WDR72: variants seen among roughly 807,000 people sequenced by gnomAD.
WDR72 encodes the protein WD repeat domain 72, also known as WD repeat-containing protein 72.
A neutral mutation model predicts 124.2 loss-of-function variants in WDR72; 120 were observed. The ratio of observed to expected loss-of-function variants is 0.97; its 90% CI spans 0.83 to 1.12. The LOEUF is 1.12. Ranked by LOEUF, WDR72 falls within the 50% of genes most tolerant of loss-of-function variation. WDR72 has a pLI of 0.00. For synonymous variants in WDR72, 452 were observed against 441.7 expected (o/e 1.02, Z -0.29); for missense variants, 1,387 against 1,278.8 (o/e 1.08, Z -1.29).
At chr15:53,724,527 TATC>T (rs2017965560) in intron 2 of WDR72, among the ~76,000 whole-genome samples, 1 of 152,108 alleles carries the variant, frequency 6.6e-6, no homozygotes, top group Admixed American at 6.5e-5. Flanking sequence ...AAGCACATCT[TATC>T]ATGGCAGAGC....
chr15:53,751,071 G>C (rs537940396), intron 1 of WDR72, among the ~76,000 whole-genome samples: 1 of 152,110 alleles, frequency 6.6e-6, no homozygotes, highest in Non-Finnish European at 1.5e-5. Context: ...GTTCTGCTGT[G>C]GGTAAAAGGC....
intron 17 of WDR72, among the ~76,000 whole-genome samples, chr15:53,604,117 T>G (rs899355056): frequency 1.3e-5 from 2 of 152,126 alleles, no homozygotes; most frequent in African/African-American, 4.8e-5. Context: ...AGCAAGGTAC[T>G]GGTACAAGAA....
intron 1 of WDR72, among the ~76,000 whole-genome samples, chr15:53,748,535 G>T (rs1567062663): frequency 1.3e-5 from 2 of 152,072 alleles, no homozygotes; most frequent in Admixed American, 1.3e-4. Flanking sequence ...ATTGGGAAAC[G>T]TAGCTTTAAT....
intron 1 of WDR72, among the ~76,000 whole-genome samples, chr15:53,757,662 AAG>A (rs2018946262): frequency 1.3e-5 from 2 of 151,770 alleles, no homozygotes; most frequent in South Asian, 4.1e-4. Context: ...AATTAAAAAA[AAG>A]AATTATTCAT....
rs1290587428 is a variant in WDR72, at chr15:53,596,506, A to G, written c.3148+573T>C. On this transcript the variant is annotated intron_variant, in intron 18 of 19. Transcript: ENST00000360509. The stretch of plus-strand genomic sequence containing the variant: ...TTTTTATATGATACTTCTGTTGCCC[A>G]GAAAAGGAAAACTGGTACATGACTT... Among the ~76,000 whole-genome samples the G allele has an allele frequency of 2.6e-5, 4 of 152,180 alleles. No homozygotes were observed. In the East Asian group the frequency reaches 7.7e-4, roughly 29 times the overall value.
intron 1 of WDR72, among the ~76,000 whole-genome samples, chr15:53,752,645 T>C (rs1025905026): frequency 6.6e-6 from 1 of 152,336 alleles, no homozygotes; most frequent in African/African-American, 2.4e-5. Context: ...TTCTGTTGTG[T>C]AAGTCACCCA....
intron 13 of WDR72, among the ~76,000 whole-genome samples, chr15:53,678,445 C>A (rs1329252464): frequency 1.3e-5 from 2 of 152,150 alleles, no homozygotes; most frequent in Non-Finnish European, 2.9e-5. Context: ...GCTCTTAACT[C>A]TATAGAACCA....
rs147902451 is a variant in WDR72, at chr15:53,714,181, CTGTG to C, written c.591+249_591+252del. ...TTAAAAGATTAAAAATGTAATCTTT[CTGTG>C]TGTGTGTGTGTGTGTGTGTAAATGA... is the stretch of plus-strand genomic sequence containing the variant. On this transcript the variant is annotated intron_variant, in intron 6 of 19. Coordinates refer to ENST00000360509, the MANE Select transcript of WDR72 (RefSeq NM_182758.4). 0.37 allele frequency among the ~76,000 whole-genome samples: 56,222 copies of C among 150,336 alleles called. 11,749 individuals are homozygous for C. Among genetic ancestry groups the C allele is most frequent in the Middle Eastern group, 0.6 (175 of 292 alleles).
chr15:53,516,374 A>T lies in WDR72; in HGVS notation c.*1325T>A, dbSNP rs758752529. On this transcript the variant is annotated 3_prime_UTR_variant, in exon 20 of 20. Coordinates refer to ENST00000360509, the MANE Select transcript of WDR72 (RefSeq NM_182758.4). ...TTTCAATTACACAGTTCTCTTTTCT[A>T]ATTTCCCCATCTCCTGTCTACTGCA... is the stretch of plus-strand genomic sequence containing the variant. 6.6e-6 allele frequency: 1 copy of T among 152,020 alleles called. No homozygotes were observed. Among genetic ancestry groups the T allele is most frequent in the Admixed American group, 6.6e-5 (1 of 15,264 alleles). 9.4% of individuals were successfully genotyped at this position (152,020 alleles called of 1,614,324 possible). A position where few individuals can be genotyped will look rare whatever the true frequency, so the allele number is the denominator to read the frequency against.
intron 3 of WDR72, among the ~76,000 whole-genome samples, chr15:53,722,198 C>T (rs1455507761): frequency 1.3e-5 from 2 of 151,742 alleles, no homozygotes; most frequent in African/African-American, 2.4e-5. Context: ...CATGCCCAGG[C>T]CAATTTTTCT....
chr15:53,586,980 G>A (rs1300663124), intron 18 of WDR72, among the ~76,000 whole-genome samples: 1 of 152,038 alleles, frequency 6.6e-6, no homozygotes, highest in Non-Finnish European at 1.5e-5. Flanking sequence ...GCAGTTCTCG[G>A]TAGGGTTGGT....
At chr15:53,549,986 G>C (rs1429631246) in intron 18 of WDR72, among the ~76,000 whole-genome samples, 1 of 151,952 alleles carries the variant, frequency 6.6e-6, no homozygotes, top group African/African-American at 2.4e-5. Flanking sequence ...GTGAACTTTT[G>C]GTGTCCCCTT....
rs1222979782 is a variant in WDR72 at position 53,605,187 on chromosome 15, A to C, written c.2952+4326T>G. The stretch of plus-strand genomic sequence containing the variant: ...AAGAGAACAAGATCACGTGCTTTGC[A>C]CTGACATGGATGGAGTCGGCGGCCA... On this transcript the variant is annotated intron_variant, in intron 17 of 19. Transcript: ENST00000360509. 2.6e-5 allele frequency among the ~76,000 whole-genome samples: 4 copies of C among 152,342 alleles called. No homozygotes were observed. The South Asian group carries it at 6.2e-4, about 24-fold the overall frequency.
At chr15:53,555,745 A>G (rs771861985) in intron 18 of WDR72, among the ~76,000 whole-genome samples, 27 of 152,062 alleles carry the variant, frequency 1.8e-4, no homozygotes, top group Non-Finnish European at 2.1e-4. Flanking sequence ...TGCTGGGTCA[A>G]TGGTTTGCCA....
chr15:53,551,884 G>A (rs532137164), intron 18 of WDR72, among the ~76,000 whole-genome samples: 16 of 151,694 alleles, frequency 1.1e-4, no homozygotes, highest in East Asian at 1.9e-4. Context: ...ACAAACACAC[G>A]CACATGTACA....
chr15:53,749,675 C>T (rs2018728222), intron 1 of WDR72, among the ~76,000 whole-genome samples: 1 of 152,140 alleles, frequency 6.6e-6, no homozygotes, highest in South Asian at 2.1e-4. Flanking sequence ...AGGCCTTTTG[C>T]ACCAAACCAT....
chr15:53,705,897 A>C, intron 10 of WDR72, 30 bp downstream of exon 10: 1 of 1,613,430 alleles, frequency 6.2e-7, no homozygotes. Flanking sequence ...TTCTCAGAAG[A>C]CATGTTACTA....
At chr15:53,762,041 G>A (rs557499015), upstream of WDR72, among the ~76,000 whole-genome samples, 1 of 152,014 alleles carries the variant, frequency 6.6e-6, no homozygotes, top group South Asian at 2.1e-4. Context: ...AGGTTTCTCA[G>A]TTACATGACT....
At chr15:53,721,685 T>G (rs75254789) in intron 3 of WDR72, among the ~76,000 whole-genome samples, 144 of 152,366 alleles carry the variant, frequency 9.5e-4, no homozygotes, top group African/African-American at 3.3e-3. Flanking sequence ...CTCACTATTC[T>G]TTTGGTTTTC....
Sources: gnomAD v4.1 joint callset for allele counts (sites outside exome capture counted in the v4.1 genomes callset) on GRCh38, gnomAD v4.1.1 for gene constraint, MANE v1.5 for transcripts, NCBI Gene and HGNC (gene_info 2026-07-23, HGNC 2026-07-21) for gene names.